The following ARHGAP10 variants were observed in gnomAD, a reference collection of about 807,000 sequenced individuals.
ARHGAP10 encodes Rho GTPase activating protein 10.
In ARHGAP10, 87 loss-of-function variants were observed where a neutral mutation model predicts 108.6. The ratio of observed to expected loss-of-function variants is 0.80; its 90% CI spans 0.67 to 0.96. ARHGAP10 has a LOEUF of 0.96. ARHGAP10 is among the 40% of genes least tolerant of loss of function. The probability of loss-of-function intolerance (pLI) is 0.00; values close to 1 mark genes in which losing one functional copy is unlikely to be tolerated. For synonymous variants in ARHGAP10, 347 were observed against 341.1 expected (o/e 1.02, Z -0.19); for missense variants, 939 against 954.5 (o/e 0.98, Z 0.21).
chr4:147,892,722 T>C (rs1008863507), intron 10 of ARHGAP10, among the ~76,000 whole-genome samples: 2 of 152,170 alleles, frequency 1.3e-5, no homozygotes, highest in East Asian at 3.9e-4. Flanking sequence ...ACAGGAAGTA[T>C]GGAGAACACA....
At chr4:147,744,262 A>G (rs1471736084) in intron 1 of ARHGAP10, among the ~76,000 whole-genome samples, 2 of 152,078 alleles carry the variant, frequency 1.3e-5, no homozygotes, top group Non-Finnish European at 2.9e-5. Flanking sequence ...GGGAAGAAGT[A>G]TTCTCCAAGT....
At chr4:147,975,658 A>G (rs920333427) in intron 18 of ARHGAP10, among the ~76,000 whole-genome samples, 2 of 152,166 alleles carry the variant, frequency 1.3e-5, no homozygotes, top group Non-Finnish European at 2.9e-5. Flanking sequence ...AACTCTCTTG[A>G]TTACAAACCT....
At chr4:147,998,826 T>G (rs74331713) in intron 18 of ARHGAP10, among the ~76,000 whole-genome samples, 7,029 of 152,336 alleles carry the variant, frequency 0.046, 171 homozygotes, top group South Asian at 0.057. Flanking sequence ...ATCTTAAAAT[T>G]TGTATTTTAG....
chr4:147,855,838 TC>T, intron 4 of ARHGAP10, among the ~76,000 whole-genome samples: 1 of 152,296 alleles, frequency 6.6e-6, no homozygotes, highest in Admixed American at 6.5e-5. Flanking sequence ...GGACATACTG[TC>T]CTGGGTTTCC....
intron 14 of ARHGAP10, 21 bp downstream of exon 14, chr4:147,939,920 T>G: frequency 1.9e-6 from 3 of 1,589,312 alleles, no homozygotes; most frequent in Non-Finnish European, 2.6e-6. Flanking sequence ...TTTCTAATCA[T>G]TTTTCCATGT....
intron 1 of ARHGAP10, among the ~76,000 whole-genome samples, chr4:147,793,214 ATATG>A (rs1176051437): frequency 1.3e-5 from 2 of 151,720 alleles, no homozygotes; most frequent in East Asian, 3.9e-4. Context: ...ATGTGTGTAT[ATATG>A]TATATATGTG....
intron 19 of ARHGAP10, among the ~76,000 whole-genome samples, chr4:148,042,937 G>A (rs535322534): frequency 6.6e-6 from 1 of 152,248 alleles, no homozygotes; most frequent in East Asian, 1.9e-4. Flanking sequence ...TAGAGGCAGT[G>A]GCTCTCCATG....
intron 18 of ARHGAP10, among the ~76,000 whole-genome samples, chr4:147,995,644 A>G (rs1252036849): frequency 2.0e-5 from 3 of 152,256 alleles, no homozygotes; most frequent in Admixed American, 1.3e-4. Flanking sequence ...AGAAAAAATA[A>G]TAACCTGGTA....
At chr4:148,025,825 T>C (rs918823019) in intron 19 of ARHGAP10, among the ~76,000 whole-genome samples, 1 of 152,196 alleles carries the variant, frequency 6.6e-6, no homozygotes, top group Non-Finnish European at 1.5e-5. Context: ...TTTTTTCTTA[T>C]TTTAGTAGTG....
At chr4:147,760,605 C>T (rs1729552192) in intron 1 of ARHGAP10, among the ~76,000 whole-genome samples, 1 of 152,198 alleles carries the variant, frequency 6.6e-6, no homozygotes. Flanking sequence ...GATGGACTTA[C>T]TCTGTTGGAC....
intron 7 of ARHGAP10, among the ~76,000 whole-genome samples, chr4:147,873,893 G>GGT (rs1734952400): frequency 9.3e-5 from 14 of 151,112 alleles, no homozygotes; most frequent in Non-Finnish European, 8.9e-5. Context: ...AAAAAAAGGG[G>GGT]GGATAAGAAA....
intron 15 of ARHGAP10, among the ~76,000 whole-genome samples, chr4:147,948,412 ATTTGGTTTAAATCCTGCAGGATTTAAACT>A (rs1427913680): frequency 1.1e-4 from 17 of 152,056 alleles, no homozygotes; most frequent in Admixed American, 6.5e-5. Flanking sequence ...GTCTTTTCAT[ATTTGGTTTAAATCCTGCAGGATTTAAACT>A]GTGCCAACTT....
Position 147,913,848 on chromosome 4 carries a change from G to T in ARHGAP10, c.1228+709G>T, listed in dbSNP as rs927191006. ...CTCTCCACCCTCCATTGTTGTGTGG[G>T]TCCCTGTTTAAAAAAATCAGCTTGC... On this transcript the variant is annotated intron_variant, in intron 13 of 22. Coordinates refer to ENST00000336498, the MANE Select transcript of ARHGAP10 (RefSeq NM_024605.4). Among the ~76,000 whole-genome samples, 9 of 152,128 alleles carry T rather than the reference G, an allele frequency of 5.9e-5. No homozygotes were observed. The East Asian group carries it at 1.7e-3, about 29-fold the overall frequency.
intron 3 of ARHGAP10, among the ~76,000 whole-genome samples, chr4:147,843,171 A>G (rs929526127): frequency 1.1e-4 from 16 of 152,094 alleles, no homozygotes; most frequent in Admixed American, 1.0e-3. Flanking sequence ...TGACAGGCCA[A>G]CCCTCCATGC....
Position 147,946,610 on chromosome 4 carries a change from T to G in ARHGAP10, c.1304-7T>G. On this transcript the variant is annotated splice_region_variant and splice_polypyrimidine_tract_variant and intron_variant, in intron 14 of 22. Transcript: ENST00000336498. Reference sequence around the variant, plus strand: ...AATTATTTTTTTCTTGTTTGCTTGCTCACTAGATGTAAAAACATGCAATGA... The same window carrying G: ...AATTATTTTTTTCTTGTTTGCTTGCGCACTAGATGTAAAAACATGCAATGA... The G allele has an allele frequency of 6.2e-7, 1 of 1,610,182 alleles. No individual in the cohort carries two copies. The highest frequency in any genetic ancestry group is 1.1e-5 in the South Asian group (1 of 90,050).
Position 148,058,496 on chromosome 4 carries a change from C to G in ARHGAP10, c.2028-4652C>G, listed in dbSNP as rs577776733. Among the ~76,000 whole-genome samples the G allele has an allele frequency of 4.6e-5, 7 of 152,278 alleles. No homozygotes were observed. The East Asian group carries it at 5.8e-4, about 13-fold the overall frequency. ...ATCTCTAGTGCTGCCCAAAGCCTGA[C>G]CTGTGTATATTATGCAAGAAATGTT... On this transcript the variant is annotated intron_variant, in intron 20 of 22. Coordinates refer to ENST00000336498, the MANE Select transcript of ARHGAP10 (RefSeq NM_024605.4).
At chr4:148,008,373 C>T (rs1316003289) in intron 18 of ARHGAP10, among the ~76,000 whole-genome samples, 2 of 151,992 alleles carry the variant, frequency 1.3e-5, no homozygotes, top group African/African-American at 4.8e-5. Flanking sequence ...CTATTAGAAA[C>T]ATTTTTGTAG....
intron 18 of ARHGAP10, among the ~76,000 whole-genome samples, chr4:147,970,859 G>A (rs1251226351): frequency 6.6e-6 from 1 of 152,092 alleles, no homozygotes; most frequent in Non-Finnish European, 1.5e-5. Flanking sequence ...AGGCCAAGGC[G>A]GGCAGATCAC....
intron 13 of ARHGAP10, among the ~76,000 whole-genome samples, chr4:147,923,351 A>G (rs1334583974): frequency 3.9e-5 from 6 of 152,380 alleles, no homozygotes; most frequent in South Asian, 2.1e-4. Flanking sequence ...CTGGGCCTGC[A>G]TGACACCTAG....
Sources: gnomAD v4.1 joint callset for allele counts (sites outside exome capture counted in the v4.1 genomes callset) on GRCh38, gnomAD v4.1.1 for gene constraint, MANE v1.5 for transcripts, NCBI Gene and HGNC (gene_info 2026-07-23, HGNC 2026-07-21) for gene names.